The following SLC2A9 variants were observed in gnomAD, a reference collection of about 807,000 sequenced individuals.
SLC2A9 encodes the protein solute carrier family 2, facilitated glucose transporter member 9.
In SLC2A9, 39 loss-of-function variants were observed where a neutral mutation model predicts 50.6. That is an observed-to-expected ratio of 0.77 (90% CI 0.60 to 1.01). SLC2A9 has a LOEUF of 1.01. SLC2A9 is among the 50% of genes least tolerant of loss of function. The pLI, the probability that SLC2A9 is intolerant of heterozygous loss-of-function variation, is 0.00. For synonymous variants in SLC2A9, 324 were observed against 276.9 expected (o/e 1.17, Z -1.69); for missense variants, 686 against 677.6 (o/e 1.01, Z -0.14).
rs369482670 is a variant in SLC2A9, at chr4:9,771,378, G to T, written n.182-9C>A. ...TTCTTGACATGAGGTCACTGCAGAA[G>T]GAGAGAGGGTGTAGAGTCATGCCAG... On this transcript the variant is annotated splice_polypyrimidine_tract_variant and intron_variant and non_coding_transcript_variant, in intron 1 of 1. Coordinates refer to the SLC2A9 transcript ENST00000508585. The T allele has an allele frequency of 2.0e-5, 8 of 397,162 alleles. No homozygotes were observed. In the East Asian group the frequency reaches 2.9e-4, roughly 14 times the overall value. 24.6% of individuals were successfully genotyped at this position (397,162 alleles called of 1,614,324 possible). A position where few individuals can be genotyped will look rare whatever the true frequency, so the allele number is the denominator to read the frequency against.
At chr4:9,782,696 C>G in intron 3 of SLC2A9, 1 of 1,614,044 alleles carries the variant, frequency 6.2e-7, no homozygotes, top group Non-Finnish European at 8.5e-7. Flanking sequence ...CAGCCTGAAT[C>G]GAACCTACGC....
intron 3 of SLC2A9, among the ~76,000 whole-genome samples, chr4:9,989,895 C>T (rs114056737): frequency 0.012 from 1,899 of 152,076 alleles, 11 homozygotes; most frequent in Middle Eastern, 0.02. Context: ...AGAGCTATTT[C>T]CCAGGGATGA....
At chr4:9,902,122 T>G (rs1382728099) in intron 8 of SLC2A9, among the ~76,000 whole-genome samples, 1 of 151,718 alleles carries the variant, frequency 6.6e-6, no homozygotes, top group Non-Finnish European at 1.5e-5. Context: ...ACAGCTGGGC[T>G]CACCTGGAGC....
At chr4:10,039,944 G>A (rs1230897542) in intron 1 of SLC2A9, among the ~76,000 whole-genome samples, 1 of 152,250 alleles carries the variant, frequency 6.6e-6, no homozygotes, top group Non-Finnish European at 1.5e-5. Flanking sequence ...CACTGTGCCA[G>A]TGACATCTCC....
chr4:9,851,569 C>T lies in SLC2A9; in HGVS notation c.1292-16561G>A, dbSNP rs74623241. Among the ~76,000 whole-genome samples, 117 of 152,126 alleles carry T rather than the reference C, an allele frequency of 7.7e-4. 2 individuals carry two copies. In the East Asian group the frequency reaches 0.022, roughly 28 times the overall value. ...CTAATTCCCCAGCAATGGTTCTTAA[C>T]CATAGTGAAATGACTGAAATGACAG... On this transcript the variant is annotated intron_variant, in intron 10 of 11. Transcript: ENST00000264784.
rs1177959384 is a variant in SLC2A9 at position 10,034,261 on chromosome 4, AC to A, written c.-41+5868del. ...AGGTTTTAATCATTTCATTCATTAA[AC>A]CCCGTACATGAGCGCACCCACGCAA... On this transcript the variant is annotated intron_variant, in intron 1 of 12. Coordinates refer to the SLC2A9 transcript ENST00000309065. The A allele has an allele frequency of 4.6e-5, 7 of 152,312 alleles. No homozygotes were observed. In the South Asian group the frequency reaches 6.2e-4, roughly 14 times the overall value. The allele number at this position is 152,312 out of a possible 1,614,324, so 9.4% of individuals were successfully genotyped here.
intron 3 of SLC2A9, among the ~76,000 whole-genome samples, chr4:9,813,721 GAAGTCAAAAGGA>G (rs1723177662): frequency 6.6e-6 from 1 of 152,134 alleles, no homozygotes; most frequent in South Asian, 2.1e-4. Flanking sequence ...GGCTTCTATG[GAAGTCAAAAGGA>G]AAGAATCTAG....
intron 3 of SLC2A9, among the ~76,000 whole-genome samples, chr4:9,813,610 T>TGTA (rs2109003708): frequency 6.6e-6 from 1 of 152,276 alleles, no homozygotes; most frequent in African/African-American, 2.4e-5. Flanking sequence ...AAAAATCCAG[T>TGTA]GTAGTTAAGG....
chr4:9,867,734 CCTGA>C (rs1732720518), intron 10 of SLC2A9, among the ~76,000 whole-genome samples: 1 of 152,180 alleles, frequency 6.6e-6, no homozygotes, highest in African/African-American at 2.4e-5. Flanking sequence ...GGTCTGACTG[CCTGA>C]CTGCCTGGGA....
At chr4:9,793,063 G>A (rs1720165942) in intron 3 of SLC2A9, among the ~76,000 whole-genome samples, 1 of 152,110 alleles carries the variant, frequency 6.6e-6, no homozygotes, top group South Asian at 2.1e-4. Context: ...TAGTAGAGAC[G>A]GGGTTTCTCC....
chr4:9,789,109 C>T (rs1458297237), intron 3 of SLC2A9, among the ~76,000 whole-genome samples: 3 of 152,112 alleles, frequency 2.0e-5, no homozygotes, highest in African/African-American at 7.2e-5. Flanking sequence ...ATATCAAATC[C>T]CATGCATTCA....
At chr4:10,023,821 G>A (rs1017813232), upstream of SLC2A9, among the ~76,000 whole-genome samples, 4 of 152,206 alleles carry the variant, frequency 2.6e-5, no homozygotes, top group African/African-American at 9.7e-5. Context: ...GAAGTTCAGG[G>A]GGAGCATGGA....
downstream of SLC2A9, among the ~76,000 whole-genome samples, chr4:9,795,133 T>G (rs1215253236): frequency 2.7e-5 from 4 of 147,384 alleles, no homozygotes; most frequent in Non-Finnish European, 6.0e-5. Flanking sequence ...TGCCTCAGCC[T>G]CCGAGTAGCT....
intron 5 of SLC2A9, among the ~76,000 whole-genome samples, chr4:9,973,826 C>T (rs532377858): frequency 4.7e-5 from 7 of 149,468 alleles, no homozygotes; most frequent in Admixed American, 1.3e-4. Flanking sequence ...CTAACCTGCA[C>T]GTTGTGCACA....
chr4:9,865,641 G>A (rs1168061740), intron 10 of SLC2A9, among the ~76,000 whole-genome samples: 1 of 152,216 alleles, frequency 6.6e-6, no homozygotes, highest in Non-Finnish European at 1.5e-5. Flanking sequence ...TCAAGGTGGA[G>A]GCTTAGGGAG....
chr4:9,951,350 G>C (rs1255734675), intron 5 of SLC2A9, among the ~76,000 whole-genome samples: 1 of 152,060 alleles, frequency 6.6e-6, no homozygotes, highest in Non-Finnish European at 1.5e-5. Flanking sequence ...AGGGTGGTGG[G>C]GTGAGATAAA....
At chr4:9,865,922 G>C (rs1732386614) in intron 10 of SLC2A9, among the ~76,000 whole-genome samples, 2 of 152,242 alleles carry the variant, frequency 1.3e-5, no homozygotes, top group South Asian at 4.1e-4. Context: ...TTGGCAAACA[G>C]AGCATTTCAA....
At chr4:10,033,495 T>A (rs1331152264) in intron 1 of SLC2A9, among the ~76,000 whole-genome samples, 1 of 152,220 alleles carries the variant, frequency 6.6e-6, no homozygotes, top group Non-Finnish European at 1.5e-5. Context: ...AGAAATCATC[T>A]GGATGAGGAA....
At chr4:9,829,266 T>TG (rs917938856) in intron 11 of SLC2A9, among the ~76,000 whole-genome samples, 3 of 152,068 alleles carry the variant, frequency 2.0e-5, no homozygotes, top group African/African-American at 7.2e-5. Context: ...TAGCTAGGCG[T>TG]GGTGGCAGTC....
Sources: allele counts gnomAD v4.1 joint callset (sites outside exome capture counted in the v4.1 genomes callset), GRCh38; gene constraint gnomAD v4.1.1; transcripts MANE v1.5; gene names NCBI Gene and HGNC (gene_info 2026-07-23, HGNC 2026-07-21).